The following TMEM131L variants were observed in gnomAD, a reference collection of about 807,000 sequenced individuals.
The protein encoded by TMEM131L is transmembrane 131 like.
Under a neutral mutation model 192.2 loss-of-function variants are expected in TMEM131L, and 54 were observed. The ratio of observed to expected loss-of-function variants is 0.28; its 90% CI spans 0.23 to 0.35. TMEM131L has a LOEUF of 0.35. Among genes scored for constraint, TMEM131L ranks in the 10% least tolerant of loss-of-function variants. The pLI, the probability that TMEM131L is intolerant of heterozygous loss-of-function variation, is 1.00. For missense variants in TMEM131L, 1,888 were observed against 1,972.9 expected (o/e 0.96, Z 0.82); for synonymous variants, 701 against 704.9 (o/e 0.99, Z 0.09).
intron 3 of TMEM131L, among the ~76,000 whole-genome samples, chr4:153,503,813 G>A (rs558593416): frequency 7.9e-5 from 12 of 152,302 alleles, no homozygotes; most frequent in Middle Eastern, 3.4e-3. Context: ...TCATGAAAAT[G>A]TAAGGTTATG....
In TMEM131L at chr4:153,504,009, C is replaced by T. The variant is rs1006730545; in HGVS notation, c.239+30121C>T. 3.3e-5 allele frequency among the ~76,000 whole-genome samples: 5 copies of T among 152,156 alleles called. 1 individual carries two copies. Among genetic ancestry groups the T allele is most frequent in the African/African-American group, 1.2e-4 (5 of 41,438 alleles). ...GGAGATGGAGTCTTGCTCTGTCGCC[C>T]AGGCTGGAGTGCAGTGGTGCTATCT... On this transcript the variant is annotated intron_variant, in intron 3 of 34. Coordinates refer to ENST00000409959, the MANE Select transcript of TMEM131L (RefSeq NM_001131007.2).
intron 8 of TMEM131L, 140 bp from the exon 9 acceptor site, chr4:153,581,267 A>G (rs1216362138): frequency 3.1e-6 from 2 of 655,608 alleles, no homozygotes; most frequent in Non-Finnish European, 4.8e-6. Context: ...ATAAAATAAA[A>G]TAAAATAAAA....
At chr4:153,564,461 T>G (rs1399864111) in intron 7 of TMEM131L, among the ~76,000 whole-genome samples, 2 of 152,150 alleles carry the variant, frequency 1.3e-5, no homozygotes, top group Non-Finnish European at 2.9e-5. Context: ...AAATTTCTGT[T>G]GTTTATAAAC....
At chr4:153,518,293 G>C (rs1278476741) in intron 3 of TMEM131L, among the ~76,000 whole-genome samples, 2 of 152,160 alleles carry the variant, frequency 1.3e-5, no homozygotes, top group Non-Finnish European at 2.9e-5. Flanking sequence ...ACTTCTTGTG[G>C]GATGCTGCTG....
chr4:153,583,010 AG>A (rs1337601519), intron 9 of TMEM131L, among the ~76,000 whole-genome samples, 179 bp from the exon 10 acceptor site: 1 of 151,956 alleles, frequency 6.6e-6, no homozygotes, highest in East Asian at 1.9e-4. Context: ...TGATTAAAAA[AG>A]AAAAAAAAAA....
intron 28 of TMEM131L, 76 bp from the exon 29 acceptor site, chr4:153,622,822 A>C (rs1357746849): frequency 2.7e-6 from 4 of 1,463,522 alleles, no homozygotes; most frequent in Non-Finnish European, 3.8e-6. Context: ...TCCTCCTGTC[A>C]CCTCTCTCTT....
At chr4:153,478,464 A>G (rs1327238518) in intron 3 of TMEM131L, among the ~76,000 whole-genome samples, 1 of 152,234 alleles carries the variant, frequency 6.6e-6, no homozygotes. Context: ...GACGTCCTGT[A>G]TACCCCTCAC....
chr4:153,502,107 A>G (rs1733653915), intron 3 of TMEM131L, among the ~76,000 whole-genome samples: 1 of 151,974 alleles, frequency 6.6e-6, no homozygotes, highest in Non-Finnish European at 1.5e-5. Context: ...GCCCGCCACC[A>G]TGCCTGGCTA....
chr4:153,551,467 C>T (rs1737617302), intron 4 of TMEM131L, among the ~76,000 whole-genome samples: 1 of 151,942 alleles, frequency 6.6e-6, no homozygotes, highest in Admixed American at 6.6e-5. Flanking sequence ...AAACGATTCT[C>T]CTGCCTCAGC....
rs562427306 is a variant in TMEM131L at position 153,618,318 on chromosome 4, T to TA, written c.3568-2428dup. 2.7e-3 allele frequency among the ~76,000 whole-genome samples: 384 copies of TA among 144,842 alleles called. 9 individuals carry two copies. In the South Asian group the frequency reaches 0.05, roughly 19 times the overall value. On this transcript the variant is annotated intron_variant, in intron 26 of 34. Coordinates refer to ENST00000409959, the MANE Select transcript of TMEM131L (RefSeq NM_001131007.2). ...AGCAAGACCCCATCTCTGCAGAAAA[T>TA]AAAAAAAAAATAGCTGGGCATGGTG...
Position 153,621,799 on chromosome 4 carries a change from A to G in TMEM131L, c.3809A>G (p.Lys1270Arg). The G allele has an allele frequency of 6.2e-7, 1 of 1,614,170 alleles. No individual in the cohort carries two copies. Among genetic ancestry groups the G allele is most frequent in the East Asian group, 2.2e-5 (1 of 44,878 alleles). Residue 1270 changes from lysine to arginine, a missense_variant, in exon 28 of 35, where the codon AAA (lysine) becomes AGA (arginine). Transcript: ENST00000409959. Reference protein sequence around the residue: ...CIQESTREVCKADAEIASSLP... With the variant: ...CIQESTREVCRADAEIASSLP... ...CAGGAAAGCACTAGGGAGGTTTGTA[A>G]AGCAGATGCCGAAATTGCAAGCAGT...
chr4:153,635,878 C>T (rs1054421359), intron 34 of TMEM131L, among the ~76,000 whole-genome samples: 26 of 152,176 alleles, frequency 1.7e-4, no homozygotes, highest in African/African-American at 6.0e-4. Flanking sequence ...CTGTGTGACA[C>T]AGCTGTCTTT....
intron 3 of TMEM131L, among the ~76,000 whole-genome samples, chr4:153,492,291 G>A (rs922544375): frequency 3.9e-5 from 6 of 152,106 alleles, no homozygotes; most frequent in Admixed American, 1.3e-4. Flanking sequence ...TGGGATTACC[G>A]GCATGAGCCA....
In TMEM131L at chr4:153,514,820, CT is replaced by C. The variant is rs889242431; in HGVS notation, c.240-35243del. Among the ~76,000 whole-genome samples the C allele has an allele frequency of 8.7e-5, 13 of 149,298 alleles. No individual in the cohort carries two copies. The East Asian group carries it at 1.2e-3, about 13-fold the overall frequency. On this transcript the variant is annotated intron_variant, in intron 3 of 34. Transcript: ENST00000409959. Reference sequence around the variant, plus strand: ...TTACTTCACCCTGTTTTTTTCTTTTCTTTTTTTTTTGAGATGGAGTCTCGCT... The same window carrying C: ...TTACTTCACCCTGTTTTTTTCTTTTCTTTTTTTTTGAGATGGAGTCTCGCT...
intron 7 of TMEM131L, among the ~76,000 whole-genome samples, chr4:153,578,419 G>C (rs963311088): frequency 1.3e-5 from 2 of 151,272 alleles, no homozygotes; most frequent in Non-Finnish European, 2.9e-5. Flanking sequence ...GCAATGGCAT[G>C]ATCTCAGCTC....
At chr4:153,491,741 C>T (rs972435162) in intron 3 of TMEM131L, among the ~76,000 whole-genome samples, 8 of 151,982 alleles carry the variant, frequency 5.3e-5, no homozygotes, top group Non-Finnish European at 1.2e-4. Context: ...GTGTCTGGTT[C>T]TGTCACCCAG....
intron 3 of TMEM131L, among the ~76,000 whole-genome samples, chr4:153,483,404 A>G (rs868295498): frequency 3.9e-5 from 6 of 152,140 alleles, no homozygotes; most frequent in South Asian, 2.1e-4. Context: ...CCAACAACCC[A>G]AGAAGAGACT....
At chr4:153,468,173 C>G (rs1394092500) in intron 2 of TMEM131L, among the ~76,000 whole-genome samples, 1 of 152,148 alleles carries the variant, frequency 6.6e-6, no homozygotes, top group Non-Finnish European at 1.5e-5. Flanking sequence ...ATAACTTTAC[C>G]GGAGAGGCTG....
chr4:153,590,648 A>G (rs912305362), intron 16 of TMEM131L, among the ~76,000 whole-genome samples: 2 of 152,124 alleles, frequency 1.3e-5, no homozygotes, highest in South Asian at 2.1e-4. Flanking sequence ...TATTTTGTTC[A>G]TTCTACATTT....
Sources: gnomAD v4.1 joint callset for allele counts (sites outside exome capture counted in the v4.1 genomes callset) on GRCh38, gnomAD v4.1.1 for gene constraint, MANE v1.5 for transcripts, NCBI Gene and HGNC (gene_info 2026-07-23, HGNC 2026-07-21) for gene names.